CDH8: variants seen among roughly 807,000 people sequenced by gnomAD.
CDH8 encodes the protein cadherin 8, also known as cadherin-8.
Under a neutral mutation model 68.1 loss-of-function variants are expected in CDH8, and 17 were observed. The ratio of observed to expected loss-of-function variants is 0.25; its 90% CI spans 0.17 to 0.37. The LOEUF (loss-of-function observed/expected upper bound fraction) is 0.37. Ranked by LOEUF, CDH8 falls within the 10% of genes least tolerant of loss-of-function variation. CDH8 has a pLI of 1.00. For missense variants in CDH8, 763 were observed against 999.3 expected, an observed-to-expected ratio of 0.76 and a Z score of 3.19; for synonymous variants, 372 against 365.1, an observed-to-expected ratio of 1.02 and a Z score of -0.21.
chr16:61,670,021 C>T (rs1325781779), intron 10 of CDH8, among the ~76,000 whole-genome samples: 1 of 152,070 alleles, frequency 6.6e-6, no homozygotes, highest in Non-Finnish European at 1.5e-5. Flanking sequence ...TTCAATATCT[C>T]AGATTCAATC....
At chr16:61,999,898 C>T (rs571416339) in intron 2 of CDH8, among the ~76,000 whole-genome samples, 43 of 152,082 alleles carry the variant, frequency 2.8e-4, no homozygotes, top group East Asian at 2.1e-3. Context: ...CACCTATCAA[C>T]CCGTCATCTA....
chr16:61,794,183 C>T (rs1961446313), intron 7 of CDH8, among the ~76,000 whole-genome samples: 1 of 151,898 alleles, frequency 6.6e-6, no homozygotes, highest in Admixed American at 6.6e-5. Context: ...TTCTCACAAA[C>T]TCTGCTCTGC....
chr16:61,653,723 A>G lies in CDH8; in HGVS notation c.2285T>C (p.Leu762Ser). 1 of 1,614,180 alleles carries G rather than the reference A, an allele frequency of 6.2e-7. No individual in the cohort carries two copies. Among genetic ancestry groups the G allele is most frequent in the Non-Finnish European group, 8.5e-7 (1 of 1,180,034 alleles). Residue 762 changes from leucine to serine, a missense_variant, in exon 12 of 12, where the codon TTG (leucine) becomes TCG (serine). Around this residue, in one of 2 missense-constraint regions of CDH8, gnomAD observed 397 missense variants for 436.2 expected, o/e 0.91. Transcript: ENST00000577390. ...RGSVAGSLSSLESTTSDSDQN... is the reference protein window; with the variant it reads ...RGSVAGSLSSSESTTSDSDQN... ...GTCTGAGTCTGATGTGGTGGACTCC[A>G]AGGAGCTGAGGGAGCCAGCCACTGA...
intron 8 of CDH8, among the ~76,000 whole-genome samples, chr16:61,760,001 C>T (rs1371724466): frequency 6.6e-6 from 1 of 151,922 alleles, no homozygotes; most frequent in Non-Finnish European, 1.5e-5. Flanking sequence ...ACATGGACAC[C>T]ATGAAACACA....
chr16:61,971,913 A>T lies in CDH8; in HGVS notation c.252+49239T>A, dbSNP rs1055259674. 2.6e-5 allele frequency among the ~76,000 whole-genome samples: 4 copies of T among 152,232 alleles called. No homozygotes were observed. In the South Asian group the frequency reaches 8.3e-4, roughly 32 times the overall value. On this transcript the variant is annotated intron_variant, in intron 2 of 11. Coordinates refer to ENST00000577390, the MANE Select transcript of CDH8 (RefSeq NM_001796.5). ...AACAAAGCAGTAAGAATTGAAAAAA[A>T]TTTGAATCTCTAAGCCAAGAAAGAA...
intron 10 of CDH8, among the ~76,000 whole-genome samples, chr16:61,679,951 T>A (rs1418185117): frequency 6.6e-6 from 1 of 151,996 alleles, no homozygotes; most frequent in Non-Finnish European, 1.5e-5. Context: ...TCTCCAAATA[T>A]CATTCATTCA....
At chr16:61,753,020 C>A (rs75000199) in intron 8 of CDH8, among the ~76,000 whole-genome samples, 1,557 of 152,174 alleles carry the variant, frequency 0.01, 22 homozygotes, top group African/African-American at 0.034. Context: ...AGGCAACAAC[C>A]ACAAAAACAT....
rs548617249 is a variant in CDH8 at position 61,852,235 on chromosome 16, G to A, written c.667+4884C>T. On this transcript the variant is annotated intron_variant, in intron 4 of 11. Coordinates refer to ENST00000577390, the MANE Select transcript of CDH8 (RefSeq NM_001796.5). Reference sequence around the variant, plus strand: ...AAAGACATTTTACTTCATTCTCTCCGAAACACAGTTTTGTCATTTGCAAAA... The same window carrying A: ...AAAGACATTTTACTTCATTCTCTCCAAAACACAGTTTTGTCATTTGCAAAA... 5.3e-5 allele frequency among the ~76,000 whole-genome samples: 8 copies of A among 152,036 alleles called. 1 individual carries two copies. In the South Asian group the frequency reaches 1.7e-3, roughly 32 times the overall value.
intron 4 of CDH8, among the ~76,000 whole-genome samples, chr16:61,834,873 G>A (rs1284278971): frequency 3.3e-5 from 5 of 151,966 alleles, no homozygotes; most frequent in Non-Finnish European, 7.4e-5. Context: ...ACCCAGCAAT[G>A]AGAAAGGTCT....
At chr16:61,763,084 C>A (rs1005990957) in intron 8 of CDH8, among the ~76,000 whole-genome samples, 5 of 152,126 alleles carry the variant, frequency 3.3e-5, no homozygotes, top group Non-Finnish European at 7.3e-5. Context: ...ATAAGGAGGC[C>A]ACCCAGGATT....
intron 2 of CDH8, among the ~76,000 whole-genome samples, chr16:62,005,725 A>C (rs992237856): frequency 1.5e-5 from 2 of 130,264 alleles, no homozygotes; most frequent in Admixed American, 1.7e-4. Flanking sequence ...ACAGGACTAG[A>C]CTTCGTCTTA....
intron 8 of CDH8, among the ~76,000 whole-genome samples, chr16:61,744,380 T>A (rs62050482): frequency 0.31 from 46,583 of 151,858 alleles, 7,715 homozygotes; most frequent in Middle Eastern, 0.47. Flanking sequence ...CATTTCTTTC[T>A]CCTTAGTTTA....
At chr16:61,994,412 A>G (rs1006541120) in intron 2 of CDH8, among the ~76,000 whole-genome samples, 1 of 152,084 alleles carries the variant, frequency 6.6e-6, no homozygotes, top group Non-Finnish European at 1.5e-5. Flanking sequence ...GTCTCCTCTA[A>G]TTGAGTGTAA....
chr16:61,834,921 A>C (rs1962536494), intron 4 of CDH8, among the ~76,000 whole-genome samples: 2 of 151,984 alleles, frequency 1.3e-5, no homozygotes, highest in Admixed American at 6.6e-5. Context: ...TGGCGTCCAA[A>C]TCTTGGTCTT....
chr16:61,912,360 A>C (rs1463705126), intron 2 of CDH8, among the ~76,000 whole-genome samples: 2 of 152,036 alleles, frequency 1.3e-5, no homozygotes, highest in Non-Finnish European at 2.9e-5. Flanking sequence ...CTACTTCTTG[A>C]GCAATAAACT....
intron 10 of CDH8, among the ~76,000 whole-genome samples, chr16:61,662,808 C>A (rs1306143756): frequency 6.6e-6 from 1 of 151,792 alleles, no homozygotes; most frequent in Admixed American, 6.6e-5. Context: ...AGACTTTGTG[C>A]ACCCATGGAT....
chr16:61,780,258 A>G (rs1337274097), intron 8 of CDH8, among the ~76,000 whole-genome samples: 1 of 152,208 alleles, frequency 6.6e-6, no homozygotes, highest in East Asian at 1.9e-4. Context: ...TAGCAGAGAT[A>G]TACTATACAA....
intron 8 of CDH8, among the ~76,000 whole-genome samples, chr16:61,762,441 A>G (rs1960494154): frequency 6.6e-6 from 1 of 152,232 alleles, no homozygotes; most frequent in Non-Finnish European, 1.5e-5. Flanking sequence ...CCTGATGACT[A>G]TTACCTCCCT....
chr16:61,832,383 C>CATAGAGAA lies in CDH8; in HGVS notation c.668-7212_668-7205dup, dbSNP rs1282213323. Among the ~76,000 whole-genome samples the CATAGAGAA allele has an allele frequency of 6.3e-3, 723 of 115,486 alleles. 4 individuals are homozygous for CATAGAGAA. The highest frequency in any genetic ancestry group is 0.01 in the Non-Finnish European group (517 of 50,224). The allele number at this position is 115,486 out of a possible 152,430, so 75.8% of individuals were successfully genotyped here. ...AGATAGATAGATAGATAGATAGATA[C>CATAGAGAA]ATAGAGAAATAGAGAGGGAAATAGA... On this transcript the variant is annotated intron_variant, in intron 4 of 11. Coordinates refer to ENST00000577390, the MANE Select transcript of CDH8 (RefSeq NM_001796.5).
Sources: gnomAD v4.1 joint callset for allele counts (sites outside exome capture counted in the v4.1 genomes callset) on GRCh38, gnomAD v4.1.1 for gene constraint, gnomAD v4.1.1 regional missense constraint, MANE v1.5 for transcripts, NCBI Gene and HGNC (gene_info 2026-07-23, HGNC 2026-07-21) for gene names.